Variants in PALB2 observed in about 807,000 individuals in gnomAD.
PALB2 encodes mutant partner and localizer of BRCA2.
PALB2 carries 82 observed loss-of-function variants against 107.4 expected under a neutral mutation model. The observed-to-expected ratio is 0.76, with a 90% CI of 0.64 to 0.92. The LOEUF (loss-of-function observed/expected upper bound fraction) is 0.92. Ranked by LOEUF, PALB2 falls within the 40% of genes least tolerant of loss-of-function variation. The pLI, the probability that PALB2 is intolerant of heterozygous loss-of-function variation, is 0.00. For missense variants in PALB2, 1,374 were observed against 1,379.9 expected (o/e 1.00, Z 0.07); for synonymous variants, 489 against 496.8 (o/e 0.98, Z 0.21).
chr16:23,610,636 T>C lies in PALB2; in HGVS notation c.3202-2624A>G, dbSNP rs144309749. ...ATATTATTTCTGAAGATTGGCTTTATGGGGGACTTTTACTTACTATCTTAC... is the reference window on the plus strand; with the variant it reads ...ATATTATTTCTGAAGATTGGCTTTACGGGGGACTTTTACTTACTATCTTAC... On this transcript the variant is annotated intron_variant, in intron 11 of 12. Coordinates refer to ENST00000261584, the MANE Select transcript of PALB2 (RefSeq NM_024675.4). 7.7e-3 allele frequency among the ~76,000 whole-genome samples: 1,172 copies of C among 152,212 alleles called. 15 individuals are homozygous for C. The highest frequency in any genetic ancestry group is 0.027 in the African/African-American group (1,104 of 41,526).
In PALB2 at chr16:23,629,798, G is replaced by A. The variant is rs786203608; in HGVS notation, c.2356C>T (p.His786Tyr). The change falls in exon 5 of 13, where the codon CAT becomes TAT. Residue 786 changes from histidine (H) to tyrosine (Y), a missense_variant. Physicochemically the swap from His to Tyr is moderately conservative, Grantham distance 83. Coordinates refer to ENST00000261584, the MANE Select transcript of PALB2 (RefSeq NM_024675.4). ...FDSSGSPAKP[H>Y]TTLQVSGRQG... ...CTGCCTGACACTTGCAGGGTGGTAT[G>A]TGGTTTTGCTGGGCTGCCTGAACTG... 6.8e-6 allele frequency: 11 copies of A among 1,614,118 alleles called. No individual in the cohort carries two copies. Among genetic ancestry groups the A allele is most frequent in the South Asian group, 1.1e-5 (1 of 91,090 alleles).
In PALB2 at chr16:23,641,133, G is replaced by A. The variant is rs1060502744; in HGVS notation, c.25C>T (p.Leu9Phe). 9 of 1,613,470 alleles carry A rather than the reference G, an allele frequency of 5.6e-6. No individual in the cohort carries two copies. The East Asian group carries it at 2.0e-4, about 36-fold the overall frequency. The change falls in exon 1 of 13, where the codon CTC becomes TTC. Residue 9 changes from leucine (L) to phenylalanine (F), a missense_variant. Physicochemically the swap from Leu to Phe is conservative, Grantham distance 22. Coordinates refer to ENST00000261584, the MANE Select transcript of PALB2 (RefSeq NM_024675.4). Reference sequence around the variant, plus strand: ...ACCTTTTCCTTCTCCTCACAGCTGAGGGGCTTCCCGGGAGGCTCGTCCATC... The same window carrying A: ...ACCTTTTCCTTCTCCTCACAGCTGAAGGGCTTCCCGGGAGGCTCGTCCATC... MDEPPGKP[L>F]SCEEKEKLKE...
chr16:23,623,705 G>T (rs1328098216), intron 8 of PALB2, among the ~76,000 whole-genome samples: 1 of 151,260 alleles, frequency 6.6e-6, no homozygotes, highest in African/African-American at 2.4e-5. Flanking sequence ...TTTCAGTAGA[G>T]ACACAGTTTC....
rs1400223274 is a variant in PALB2 at position 23,635,879 on chromosome 16, TTAA to T, written c.664_666del (p.Leu222del). 1 of 1,614,188 alleles carries T rather than the reference TTAA, an allele frequency of 6.2e-7. No individual in the cohort carries two copies. The highest frequency in any genetic ancestry group is 8.5e-7 in the Non-Finnish European group (1 of 1,180,034). On this transcript the variant is annotated inframe_deletion, in exon 4 of 13. Transcript: ENST00000261584. ...TTTTCTGGTTGGGCAGTTGGTGGAATTAATACACTGTCTTCATTAATTTCTGTA... is the reference window on the plus strand; with the variant it reads ...TTTTCTGGTTGGGCAGTTGGTGGAATTACACTGTCTTCATTAATTTCTGTA...
chr16:23,617,469 C>T (rs1271728869), intron 10 of PALB2: 1 of 151,786 alleles, frequency 6.6e-6, no homozygotes, highest in Non-Finnish European at 1.5e-5. Flanking sequence ...TCTACAATCC[C>T]AGCACTTTGG....
chr16:23,641,075 G>C (rs781632286), intron 1 of PALB2, 35 bp downstream of exon 1: 5 of 1,609,858 alleles, frequency 3.1e-6, no homozygotes, highest in Non-Finnish European at 4.2e-6. Flanking sequence ...AGCGGGGTCA[G>C]AGTCCTGCGT....
At chr16:23,614,749 C>T (rs897665743) in intron 10 of PALB2, among the ~76,000 whole-genome samples, 1 of 140,832 alleles carries the variant, frequency 7.1e-6, no homozygotes, top group African/African-American at 2.7e-5. Flanking sequence ...CTCCCGGGTT[C>T]ACGCCATTCT....
chr16:23,628,150 T>A (rs1380171840), intron 6 of PALB2, among the ~76,000 whole-genome samples: 1 of 152,194 alleles, frequency 6.6e-6, no homozygotes, highest in Admixed American at 6.5e-5. Flanking sequence ...CTTGAACCTG[T>A]AGGCGGAGGT....
At chr16:23,617,895 C>T (rs1966712077) in intron 10 of PALB2, 1 of 152,194 alleles carries the variant, frequency 6.6e-6, no homozygotes, top group Non-Finnish European at 1.5e-5. Context: ...AGAAATCCCT[C>T]CCCAACTTCC....
At position 23,634,922 on chromosome 16, in the gene PALB2, A is replaced by T. The variant is rs2142410807; in HGVS notation, c.1624T>A (p.Ser542Thr). ...TTGTGTGAGGTGACTTCTTCCTTGG[A>T]CCTGTTAACAATCGACAGGCTAGAA... ...PTSSLSIVNR[S>T]KEEVTSHKYQ... is the part of the protein sequence containing the mutation. The change falls in exon 4 of 13, where the codon TCC becomes ACC. Residue 542 changes from serine to threonine, a missense_variant. Physicochemically the swap from Ser to Thr is moderately conservative, Grantham distance 58. Coordinates refer to ENST00000261584, the MANE Select transcript of PALB2 (RefSeq NM_024675.4). 1.9e-6 allele frequency: 3 copies of T among 1,614,096 alleles called. No individual in the cohort carries two copies. Among genetic ancestry groups the T allele is most frequent in the Non-Finnish European group, 2.5e-6 (3 of 1,180,016 alleles).
rs1567222475 is a variant in PALB2, at chr16:23,635,828, GTCT to G, written c.715_717del (p.Arg239del). 1.2e-6 allele frequency: 2 copies of G among 1,614,126 alleles called. No individual in the cohort carries two copies. The highest frequency in any genetic ancestry group is 1.7e-6 in the Non-Finnish European group (2 of 1,180,020). ...ACTGTAGTCGCCCTGGTGAAATTAG[GTCT>G]TCTTAGGAATGTATCAACACCTTTT... On this transcript the variant is annotated inframe_deletion, in exon 4 of 13. Transcript: ENST00000261584.
At position 23,629,665 on chromosome 16, in the gene PALB2, T is replaced by G. The variant is rs756800333; in HGVS notation, c.2489A>C (p.Glu830Ala). 6.2e-7 allele frequency: 1 copy of G among 1,614,236 alleles called. No individual in the cohort carries two copies. The highest frequency in any genetic ancestry group is 8.5e-7 in the Non-Finnish European group (1 of 1,180,038). The change falls in exon 5 of 13, where the codon GAG becomes GCG. Residue 830 changes from glutamate to alanine, a missense_variant. Coordinates refer to ENST00000261584, the MANE Select transcript of PALB2 (RefSeq NM_024675.4). Reference sequence around the variant, plus strand: ...CTGTTCGACGGAATGTTTATGCAGCTCCTGGCATGTGTTTCTACAGAGCTG... The same window carrying G: ...CTGTTCGACGGAATGTTTATGCAGCGCCTGGCATGTGTTTCTACAGAGCTG... ...ENQLCRNTCQ[E>A]LHKHSVEQTE... is the part of the protein sequence containing the mutation.
In PALB2 at chr16:23,641,220, C is replaced by T. The variant is rs888298194; in HGVS notation, c.-63G>A. 4.4e-6 allele frequency: 7 copies of T among 1,586,820 alleles called. No homozygotes were observed. The Admixed American group carries it at 1.1e-4, about 24-fold the overall frequency. On this transcript the variant is annotated 5_prime_UTR_variant, in exon 1 of 13. Coordinates refer to ENST00000261584, the MANE Select transcript of PALB2 (RefSeq NM_024675.4). ...ACCCCAGGCCTGCCGACACCGGGAC[C>T]CAGTTGGCCCTGGGCCGGGGAGGCG...
chr16:23,629,594 C>A (rs775380421), intron 5 of PALB2, 46 bp downstream of exon 5: 2 of 1,549,054 alleles, frequency 1.3e-6, no homozygotes, highest in Non-Finnish European at 1.8e-6. Flanking sequence ...TTCACTAAGG[C>A]ATTTCATTCC....
chr16:23,639,356 A>T (rs977057074), intron 1 of PALB2, among the ~76,000 whole-genome samples: 8 of 151,962 alleles, frequency 5.3e-5, no homozygotes, highest in Non-Finnish European at 8.8e-5. Flanking sequence ...AACATGGTGA[A>T]ATCCTGCTTC....
rs1281536322 is a variant in PALB2, at chr16:23,603,415, A to C, written c.*44T>G. 2 of 1,489,346 alleles carry C rather than the reference A, an allele frequency of 1.3e-6. No individual in the cohort carries two copies. Among genetic ancestry groups the C allele is most frequent in the South Asian group, 1.1e-5 (1 of 88,298 alleles). The allele number at this position is 1,489,346 out of a possible 1,614,324, so 92.3% of individuals were successfully genotyped here. On this transcript the variant is annotated 3_prime_UTR_variant, in exon 13 of 13. Coordinates refer to ENST00000261584, the MANE Select transcript of PALB2 (RefSeq NM_024675.4). ...ATTTAAAACTCCAAAAAATACTAAGAGGCCCAATATATCCAGAAAATTGTG... is the reference window on the plus strand; with the variant it reads ...ATTTAAAACTCCAAAAAATACTAAGCGGCCCAATATATCCAGAAAATTGTG...
chr16:23,605,972 T>C (rs1234886530), intron 12 of PALB2: 1 of 152,194 alleles, frequency 6.6e-6, no homozygotes, highest in Non-Finnish European at 1.5e-5. Flanking sequence ...AAATACACTT[T>C]GTTGTTTAAA....
At position 23,603,481 on chromosome 16, in the gene PALB2, A is replaced by G. The variant is rs180177139; in HGVS notation, c.3539T>C (p.Ile1180Thr). ...AACTTATGAATAGTGGTATACAAATATATTTCCATCTTTTTGTCCAGCCAG... is the reference window on the plus strand; with the variant it reads ...AACTTATGAATAGTGGTATACAAATGTATTTCCATCTTTTTGTCCAGCCAG... ...HLLAGQKDGN[I>T]FVYHYS is the part of the protein sequence containing the mutation. The change falls in exon 13 of 13, where the codon ATA (isoleucine) becomes ACA (threonine). Residue 1180 changes from isoleucine to threonine, a missense_variant. Physicochemically the swap from Ile to Thr is moderately conservative, Grantham distance 89. Coordinates refer to ENST00000261584, the MANE Select transcript of PALB2 (RefSeq NM_024675.4). The G allele has an allele frequency of 3.1e-6, 5 of 1,613,568 alleles. No homozygotes were observed. The highest frequency in any genetic ancestry group is 1.6e-4 in the Middle Eastern group (1 of 6,084).
chr16:23,641,046 A>G, intron 1 of PALB2, 64 bp downstream of exon 1: 3 of 1,583,440 alleles, frequency 1.9e-6, no homozygotes, highest in Non-Finnish European at 2.6e-6. Flanking sequence ...ACACAAAGCC[A>G]GGCCTAAAAC....
Sources: allele counts gnomAD v4.1 joint callset (sites outside exome capture counted in the v4.1 genomes callset), GRCh38; gene constraint gnomAD v4.1.1; transcripts MANE v1.5; gene names NCBI Gene and HGNC (gene_info 2026-07-23, HGNC 2026-07-21).